GRID1: variants seen among roughly 807,000 people sequenced by gnomAD.
GRID1 encodes the protein glutamate receptor ionotropic, delta-1.
In GRID1, 28 loss-of-function variants were observed where a neutral mutation model predicts 98.0. The observed-to-expected ratio is 0.29, with a 90% CI of 0.21 to 0.39. The LOEUF is 0.39. Among genes scored for constraint, GRID1 ranks in the 10% least tolerant of loss-of-function variants. The pLI, the probability that GRID1 is intolerant of heterozygous loss-of-function variation, is 1.00. For synonymous variants in GRID1, 553 were observed against 538.5 expected (o/e 1.03, Z -0.37); for missense variants, 1,111 against 1,340.5 (o/e 0.83, Z 2.67).
intron 2 of GRID1, among the ~76,000 whole-genome samples, chr10:86,302,410 A>G (rs1847701936): frequency 6.6e-6 from 1 of 152,196 alleles, no homozygotes; most frequent in Non-Finnish European, 1.5e-5. Flanking sequence ...TGGGAATTTG[A>G]TGCAACCAAT....
At position 85,972,061 on chromosome 10, in the gene GRID1, G is replaced by A. The variant is rs149429698; in HGVS notation, c.727-55822C>T. On this transcript the variant is annotated intron_variant, in intron 4 of 15. Transcript: ENST00000327946. ...AACAGACACAACAACATGGGAAAAT[G>A]TCAAAGACATTATGTTGCATGACAG... is the stretch of plus-strand genomic sequence containing the variant. 3.0e-3 allele frequency among the ~76,000 whole-genome samples: 455 copies of A among 152,172 alleles called. 3 individuals carry two copies. The highest frequency in any genetic ancestry group is 3.4e-3 in the Middle Eastern group (1 of 294).
intron 4 of GRID1, among the ~76,000 whole-genome samples, chr10:86,109,971 C>CTT (rs56917207): frequency 2.5e-5 from 3 of 121,026 alleles, no homozygotes; most frequent in South Asian, 5.6e-4. Context: ...CTCTGCCATT[C>CTT]TTTTTTTTTT....
At chr10:86,037,765 T>C (rs1321545177) in intron 4 of GRID1, among the ~76,000 whole-genome samples, 1 of 152,100 alleles carries the variant, frequency 6.6e-6, no homozygotes, top group Non-Finnish European at 1.5e-5. Flanking sequence ...CAATGGTGTG[T>C]TGGTAAATGT....
chr10:86,065,532 A>G (rs1172867397), intron 4 of GRID1, among the ~76,000 whole-genome samples: 2 of 152,248 alleles, frequency 1.3e-5, no homozygotes, highest in Non-Finnish European at 2.9e-5. Flanking sequence ...CCCTGTGGCC[A>G]GGTGCTCTTT....
intron 4 of GRID1, among the ~76,000 whole-genome samples, chr10:85,976,183 T>G (rs1004154766): frequency 6.6e-6 from 1 of 151,818 alleles, no homozygotes; most frequent in Non-Finnish European, 1.5e-5. Context: ...TTGATTATTG[T>G]TTTTTTTGTT....
intron 2 of GRID1, among the ~76,000 whole-genome samples, chr10:86,218,243 C>T (rs1388589823): frequency 6.6e-6 from 1 of 152,080 alleles, no homozygotes; most frequent in African/African-American, 2.4e-5. Flanking sequence ...AATTACTCCC[C>T]CCACCGCAGC....
At chr10:85,884,958 A>T (rs1243549852) in intron 5 of GRID1, among the ~76,000 whole-genome samples, 1 of 150,908 alleles carries the variant, frequency 6.6e-6, no homozygotes, top group African/African-American at 2.5e-5. Flanking sequence ...TTTACCAGTC[A>T]TCAGAAAGTA....
intron 2 of GRID1, among the ~76,000 whole-genome samples, chr10:86,349,392 TCACC>T (rs1264787572): frequency 6.6e-6 from 1 of 152,146 alleles, no homozygotes; most frequent in Admixed American, 6.5e-5. Flanking sequence ...ACTTCTCCAC[TCACC>T]CCCAACTACC....
chr10:85,620,845 T>C (rs890865005), intron 13 of GRID1, among the ~76,000 whole-genome samples: 1 of 152,220 alleles, frequency 6.6e-6, no homozygotes, highest in African/African-American at 2.4e-5. Context: ...CACATATGCA[T>C]GCACACACTC....
chr10:85,913,570 A>G (rs1035526656), intron 5 of GRID1, among the ~76,000 whole-genome samples: 1 of 152,182 alleles, frequency 6.6e-6, no homozygotes, highest in Non-Finnish European at 1.5e-5. Context: ...AGGGCAGATC[A>G]CTTGAGGTCG....
intron 8 of GRID1, among the ~76,000 whole-genome samples, chr10:85,760,945 C>T (rs757872198): frequency 2.6e-5 from 4 of 152,182 alleles, no homozygotes; most frequent in African/African-American, 4.8e-5. Flanking sequence ...CAAATCTGCA[C>T]TCACACCCAT....
At chr10:86,162,944 T>C (rs1845343354) in intron 3 of GRID1, among the ~76,000 whole-genome samples, 1 of 152,178 alleles carries the variant, frequency 6.6e-6, no homozygotes, top group African/African-American at 2.4e-5. Context: ...GGCATGGGCC[T>C]GAAGGAGCCT....
At chr10:85,756,341 G>T (rs1442651109) in intron 8 of GRID1, among the ~76,000 whole-genome samples, 1 of 152,038 alleles carries the variant, frequency 6.6e-6, no homozygotes, top group Non-Finnish European at 1.5e-5. Flanking sequence ...TCCTTATTAT[G>T]TCTAGAGCTT....
intron 3 of GRID1, among the ~76,000 whole-genome samples, chr10:86,159,586 A>C (rs1845292048): frequency 6.6e-6 from 1 of 152,212 alleles, no homozygotes. Flanking sequence ...AGCCCACCTA[A>C]GATGCACTTC....
chr10:85,858,821 G>A (rs1305820577), intron 6 of GRID1, among the ~76,000 whole-genome samples: 2 of 152,174 alleles, frequency 1.3e-5, no homozygotes, highest in Non-Finnish European at 2.9e-5. Context: ...AGAGTCCACA[G>A]CACCAGCGCA....
intron 4 of GRID1, among the ~76,000 whole-genome samples, chr10:86,103,900 C>A (rs1175138915): frequency 6.6e-5 from 10 of 152,198 alleles, no homozygotes; most frequent in Non-Finnish European, 1.0e-4. Flanking sequence ...AGATGCTGGG[C>A]ACAGCCCTCA....
At chr10:86,221,406 C>T (rs1236592515) in intron 2 of GRID1, among the ~76,000 whole-genome samples, 1 of 152,214 alleles carries the variant, frequency 6.6e-6, no homozygotes. Flanking sequence ...CCCCACAAAA[C>T]TCCTCAAGCA....
chr10:85,708,087 C>T (rs1002374838), intron 12 of GRID1, among the ~76,000 whole-genome samples: 5 of 148,380 alleles, frequency 3.4e-5, no homozygotes, highest in Non-Finnish European at 5.9e-5. Flanking sequence ...ACGTTGTGCA[C>T]GTGTACCCTA....
intron 2 of GRID1, among the ~76,000 whole-genome samples, chr10:86,233,247 G>A (rs573414378): frequency 9.2e-5 from 14 of 151,872 alleles, no homozygotes; most frequent in South Asian, 2.1e-4. Context: ...AGCCAGGTTC[G>A]GTGCAGCTTC....
Sources: gnomAD v4.1 joint callset for allele counts (sites outside exome capture counted in the v4.1 genomes callset) on GRCh38, gnomAD v4.1.1 for gene constraint, MANE v1.5 for transcripts, NCBI Gene and HGNC (gene_info 2026-07-23, HGNC 2026-07-21) for gene names.